Variants in CACNG5 observed in about 807,000 individuals in gnomAD.
CACNG5 encodes the protein calcium voltage-gated channel auxiliary subunit gamma 5.
CACNG5 carries 18 observed loss-of-function variants against 24.8 expected under a neutral mutation model. The observed-to-expected ratio is 0.73, with a 90% CI of 0.50 to 1.08. CACNG5 has a LOEUF of 1.08. Ranked by LOEUF, CACNG5 falls within the 50% of genes least tolerant of loss-of-function variation. CACNG5 has a pLI of 0.00. For missense variants in CACNG5, 349 were observed against 367.9 expected (o/e 0.95, Z 0.42); for synonymous variants, 157 against 149.1 (o/e 1.05, Z -0.39).
chr17:66,850,217 T>C (rs1976695263), intron 1 of CACNG5, among the ~76,000 whole-genome samples: 1 of 152,204 alleles, frequency 6.6e-6, no homozygotes, highest in Admixed American at 6.5e-5. Flanking sequence ...CCCTGCTCTT[T>C]TGGCCTCAGA....
At chr17:66,882,558 C>T (rs561261678) in intron 4 of CACNG5, among the ~76,000 whole-genome samples, 21 of 152,184 alleles carry the variant, frequency 1.4e-4, no homozygotes, top group African/African-American at 4.3e-4. Context: ...GGCTCTTTCT[C>T]CTTTTCAAGG....
At chr17:66,859,022 T>C (rs1160735161) in intron 1 of CACNG5, among the ~76,000 whole-genome samples, 2 of 152,166 alleles carry the variant, frequency 1.3e-5, no homozygotes, top group African/African-American at 2.4e-5. Context: ...CTATATGACC[T>C]TGGGCTTCCT....
At chr17:66,861,314 C>T (rs1212552323) in intron 1 of CACNG5, among the ~76,000 whole-genome samples, 1 of 152,154 alleles carries the variant, frequency 6.6e-6, no homozygotes, top group African/African-American at 2.4e-5. Flanking sequence ...AAAAGAAGAC[C>T]TACGTGCACT....
intron 1 of CACNG5, among the ~76,000 whole-genome samples, chr17:66,838,727 T>G (rs1008426189): frequency 4.6e-5 from 7 of 152,030 alleles, no homozygotes; most frequent in Non-Finnish European, 1.0e-4. Flanking sequence ...ATGACAACAA[T>G]GATGATAGCA....
rs570186568 is a variant in CACNG5, at chr17:66,873,973, T to A, written c.-103-3257T>A. The stretch of plus-strand genomic sequence containing the variant: ...TTTTTCCTTTTAACCAGAGTCACTT[T>A]TTCTAGAATATTCCATGGAATTATT... On this transcript the variant is annotated intron_variant, in intron 1 of 5. Transcript: ENST00000533854. Among the ~76,000 whole-genome samples the A allele has an allele frequency of 1.2e-3, 188 of 152,050 alleles. 1 individual carries two copies. The highest frequency in any genetic ancestry group is 4.2e-3 in the African/African-American group (173 of 41,432).
At chr17:66,877,563 C>T (rs766628739) in intron 2 of CACNG5, 35 bp downstream of exon 2, 2 of 1,560,026 alleles carry the variant, frequency 1.3e-6, no homozygotes, top group South Asian at 2.3e-5. Flanking sequence ...AGCCCTGCCC[C>T]CTGACATCAC....
chr17:66,872,803 T>C (rs1977027968), intron 1 of CACNG5, among the ~76,000 whole-genome samples: 1 of 152,174 alleles, frequency 6.6e-6, no homozygotes, highest in Admixed American at 6.5e-5. Flanking sequence ...CCAGAAGATA[T>C]GACTGGATGA....
At position 66,890,967 on chromosome 17, in the gene CACNG5, T is replaced by A. The variant is rs1977335030; in HGVS notation, c.*5727T>A. On this transcript the variant is annotated 3_prime_UTR_variant, in exon 6 of 6. Coordinates refer to ENST00000533854, the MANE Select transcript of CACNG5 (RefSeq NM_145811.3). ...ATACTTGCAGCACCCCAAGGAAGAATAAGATTTATGCATAATGGAGTGCAC... is the reference window on the plus strand; with the variant it reads ...ATACTTGCAGCACCCCAAGGAAGAAAAAGATTTATGCATAATGGAGTGCAC... 6.6e-6 allele frequency among the ~76,000 whole-genome samples: 1 copy of A among 152,128 alleles called. No homozygotes were observed. Among genetic ancestry groups the A allele is most frequent in the South Asian group, 2.1e-4 (1 of 4,828 alleles).
At chr17:66,840,550 A>G (rs553737306) in intron 1 of CACNG5, among the ~76,000 whole-genome samples, 1 of 152,306 alleles carries the variant, frequency 6.6e-6, no homozygotes, top group South Asian at 2.1e-4. Context: ...ACTTAAATCC[A>G]GAGAGCCTCA....
chr17:66,887,670 T>C lies in CACNG5; in HGVS notation c.*2430T>C, dbSNP rs1043942223. ...GTCACTGTGCCAGGCTTGTTTTTGG[T>C]GCACCTGGAAAAAGTAGAATCCACT... On this transcript the variant is annotated 3_prime_UTR_variant, in exon 6 of 6. Coordinates refer to ENST00000533854, the MANE Select transcript of CACNG5 (RefSeq NM_145811.3). Among the ~76,000 whole-genome samples, 21 of 152,302 alleles carry C rather than the reference T, an allele frequency of 1.4e-4. No individual in the cohort carries two copies. The highest frequency in any genetic ancestry group is 2.6e-4 in the Admixed American group (4 of 15,302).
At chr17:66,870,888 G>C (rs1404164768) in intron 1 of CACNG5, among the ~76,000 whole-genome samples, 1 of 152,008 alleles carries the variant, frequency 6.6e-6, no homozygotes, top group Non-Finnish European at 1.5e-5. Context: ...GCTGAGGCAG[G>C]AGAATTGCTT....
chr17:66,867,168 G>A (rs1976940751), intron 1 of CACNG5, among the ~76,000 whole-genome samples: 1 of 152,164 alleles, frequency 6.6e-6, no homozygotes, highest in African/African-American at 2.4e-5. Context: ...CATTCTGACT[G>A]ACATGAGATG....
chr17:66,845,166 A>G (rs1189160980), intron 1 of CACNG5, among the ~76,000 whole-genome samples: 1 of 152,194 alleles, frequency 6.6e-6, no homozygotes, highest in African/African-American at 2.4e-5. Context: ...GCTGGAAAAC[A>G]TCATTCTCAG....
At chr17:66,838,896 T>C (rs928745144) in intron 1 of CACNG5, among the ~76,000 whole-genome samples, 13 of 151,176 alleles carry the variant, frequency 8.6e-5, no homozygotes, top group Admixed American at 2.0e-4. Context: ...CAGTGTAGGA[T>C]GCTCTGTAAC....
At chr17:66,863,555 C>G (rs1040020399) in intron 1 of CACNG5, among the ~76,000 whole-genome samples, 2 of 152,054 alleles carry the variant, frequency 1.3e-5, no homozygotes, top group Non-Finnish European at 2.9e-5. Flanking sequence ...TTAGTAGAGT[C>G]AAGGTTTCAC....
rs571101026 is a variant in CACNG5, at chr17:66,886,599, C to T, written c.*1359C>T. ...AGCAATGCTGTGTGTCGCTGCTGTG[C>T]CCGCTCTCTCCTTGCCCTCTTTAAG... is the stretch of plus-strand genomic sequence containing the variant. On this transcript the variant is annotated 3_prime_UTR_variant, in exon 6 of 6. Coordinates refer to ENST00000533854, the MANE Select transcript of CACNG5 (RefSeq NM_145811.3). Among the ~76,000 whole-genome samples, 15 of 152,296 alleles carry T rather than the reference C, an allele frequency of 9.8e-5. No homozygotes were observed. In the South Asian group the frequency reaches 1.9e-3, roughly 19 times the overall value.
At chr17:66,870,464 A>G (rs915909156) in intron 1 of CACNG5, among the ~76,000 whole-genome samples, 2 of 152,210 alleles carry the variant, frequency 1.3e-5, no homozygotes, top group African/African-American at 2.4e-5. Flanking sequence ...TCTGGTGGAT[A>G]GAGGCTAAGG....
chr17:66,891,251 A>G lies in CACNG5; in HGVS notation c.*6011A>G, dbSNP rs1406662129. 6.6e-6 allele frequency among the ~76,000 whole-genome samples: 1 copy of G among 152,178 alleles called. No individual in the cohort carries two copies. The highest frequency in any genetic ancestry group is 1.5e-5 in the Non-Finnish European group (1 of 68,022). ...GTCACATGCCCATTCCTAAACCACA[A>G]TCTGGCAAGGGGAACAGGGTGGCCA... On this transcript the variant is annotated 3_prime_UTR_variant, in exon 6 of 6. Transcript: ENST00000533854.
Position 66,891,304 on chromosome 17 carries a change from A to C in CACNG5, c.*6064A>C, listed in dbSNP as rs1443240697. Among the ~76,000 whole-genome samples the C allele has an allele frequency of 6.6e-6, 1 of 152,170 alleles. No homozygotes were observed. Among genetic ancestry groups the C allele is most frequent in the African/African-American group, 2.4e-5 (1 of 41,438 alleles). ...TGCTCCAGTTTATTAATATACAAGCAATTGCCCCAAAATTTAGTAGCTTAA... is the reference window on the plus strand; with the variant it reads ...TGCTCCAGTTTATTAATATACAAGCCATTGCCCCAAAATTTAGTAGCTTAA... On this transcript the variant is annotated 3_prime_UTR_variant, in exon 6 of 6. Coordinates refer to ENST00000533854, the MANE Select transcript of CACNG5 (RefSeq NM_145811.3).
Sources: allele counts gnomAD v4.1 joint callset (sites outside exome capture counted in the v4.1 genomes callset), GRCh38; gene constraint gnomAD v4.1.1; transcripts MANE v1.5; gene names NCBI Gene and HGNC (gene_info 2026-07-23, HGNC 2026-07-21).